CDC40: variants seen among roughly 807,000 people sequenced by gnomAD.
The protein encoded by CDC40 is pre-mRNA-processing factor 17.
CDC40 carries 27 observed loss-of-function variants against 80.6 expected under a neutral mutation model. The ratio of observed to expected loss-of-function variants is 0.33; its 90% confidence interval spans 0.25 to 0.46. CDC40 has a LOEUF of 0.46. Among genes scored for constraint, CDC40 ranks in the 20% least tolerant of loss-of-function variants. The pLI, the probability that CDC40 is intolerant of heterozygous loss-of-function variation, is 1.00. For missense variants in CDC40, 486 were observed against 694.1 expected (o/e 0.70, Z 3.37); for synonymous variants, 221 against 232.6 (o/e 0.95, Z 0.45).
intron 12 of CDC40, among the ~76,000 whole-genome samples, chr6:110,224,005 G>T (rs547364917): frequency 2.0e-5 from 3 of 151,904 alleles, no homozygotes; most frequent in Non-Finnish European, 4.4e-5. Context: ...GCTAATTTTT[G>T]TATTTTTAGT....
rs1777171823 is a variant in CDC40 at position 110,180,711 on chromosome 6, G to A, written c.189+78G>A. On this transcript the variant is annotated intron_variant, in intron 1 of 14. Transcript: ENST00000307731. Reference sequence around the variant, plus strand: ...AACTGCCAGCCGCTTGTTAGGTACCGGGTTACCTCTTTCTCAGTGCTCAGA... The same window carrying A: ...AACTGCCAGCCGCTTGTTAGGTACCAGGTTACCTCTTTCTCAGTGCTCAGA... 8.9e-6 allele frequency: 9 copies of A among 1,014,432 alleles called. No individual in the cohort carries two copies. In the Admixed American group the frequency reaches 1.4e-4, roughly 16 times the overall value. 62.8% of individuals were successfully genotyped at this position (1,014,432 alleles called of 1,614,324 possible). A position where few individuals can be genotyped will look rare whatever the true frequency, so the allele number is the denominator to read the frequency against.
chr6:110,211,161 GA>G (rs1388333607), intron 6 of CDC40: 1 of 152,818 alleles, frequency 6.5e-6, no homozygotes. Flanking sequence ...TGTTTTTAAT[GA>G]AGCCAAATAC....
chr6:110,209,102 C>G lies in CDC40; in HGVS notation c.509C>G (p.Thr170Ser). ...AACGTAGGTTTAACTGTATTTGAAA[C>G]TGGTCAGAAGAAAACAGAAAAGAGG... ...EKNQGLTVFE[T>S]GQKKTEKRKK... Residue 170 changes from threonine (T) to serine (S), a missense_variant, in exon 5 of 15, where the codon ACT becomes AGT. By Grantham distance (58) the Thr-to-Ser change is moderately conservative. Transcript: ENST00000307731. The G allele has an allele frequency of 6.4e-7, 1 of 1,569,026 alleles. No individual in the cohort carries two copies. The highest frequency in any genetic ancestry group is 1.7e-5 in the Admixed American group (1 of 59,312).
At chr6:110,205,066 A>G (rs954231346) in intron 3 of CDC40, among the ~76,000 whole-genome samples, 5 of 152,056 alleles carry the variant, frequency 3.3e-5, no homozygotes, top group African/African-American at 7.2e-5. Flanking sequence ...TTTCCGGACT[A>G]CTAGTGAGGT....
chr6:110,190,066 C>T (rs190656372), intron 1 of CDC40, among the ~76,000 whole-genome samples: 51 of 152,272 alleles, frequency 3.3e-4, no homozygotes, highest in East Asian at 2.3e-3. Context: ...GAATGCCCTG[C>T]GTTCTACTGG....
intron 1 of CDC40, among the ~76,000 whole-genome samples, chr6:110,192,240 C>T (rs1777361790): frequency 6.6e-6 from 1 of 152,138 alleles, no homozygotes. Flanking sequence ...TCCAAAAACC[C>T]AGATACAAGA....
intron 3 of CDC40, among the ~76,000 whole-genome samples, chr6:110,202,211 C>G (rs1037219329): frequency 1.3e-5 from 2 of 152,094 alleles, no homozygotes; most frequent in African/African-American, 4.8e-5. Flanking sequence ...TGCGTGGAAA[C>G]TGCTTGTATA....
chr6:110,219,974 GC>G (rs2114669640), intron 12 of CDC40, 105 bp downstream of exon 12: 1 of 1,219,856 alleles, frequency 8.2e-7, no homozygotes, highest in African/African-American at 1.5e-5. Flanking sequence ...AATATTTTTT[GC>G]AACTGTGATC....
At chr6:110,199,390 C>G (rs1283702870) in intron 2 of CDC40, among the ~76,000 whole-genome samples, 2 of 151,464 alleles carry the variant, frequency 1.3e-5, no homozygotes, top group African/African-American at 4.9e-5. Flanking sequence ...GTCAGGAGAT[C>G]GAGACCATCC....
intron 6 of CDC40, chr6:110,211,114 T>C (rs1214811972): frequency 6.4e-6 from 1 of 157,126 alleles, no homozygotes; most frequent in Non-Finnish European, 1.4e-5. Flanking sequence ...TAAAGTTGAC[T>C]CTTTTGGTGT....
intron 1 of CDC40, among the ~76,000 whole-genome samples, chr6:110,186,896 T>C (rs1443749638): frequency 1.3e-5 from 2 of 152,240 alleles, no homozygotes; most frequent in African/African-American, 4.8e-5. Flanking sequence ...ACATATTATT[T>C]TAGTCCCATT....
intron 9 of CDC40, among the ~76,000 whole-genome samples, 200 bp from the exon 10 acceptor site, chr6:110,217,502 A>AG (rs1264786068): frequency 6.6e-6 from 1 of 152,054 alleles, no homozygotes. Flanking sequence ...AGCTTCTTCA[A>AG]GGGGAAAAAA....
rs1273689245 is a variant in CDC40 at position 110,231,590 on chromosome 6, A to G, written c.*1459A>G. ...TTTTCCTGTTTTATTATAAATCTATATTAGATGTTTGAATATGGTTTGAAA... is the reference window on the plus strand; with the variant it reads ...TTTTCCTGTTTTATTATAAATCTATGTTAGATGTTTGAATATGGTTTGAAA... On this transcript the variant is annotated 3_prime_UTR_variant, in exon 15 of 15. Transcript: ENST00000307731. 8.5e-5 allele frequency: 13 copies of G among 152,236 alleles called. No homozygotes were observed. Among genetic ancestry groups the G allele is most frequent in the African/African-American group, 2.4e-5 (1 of 41,468 alleles). The allele number at this position is 152,236 out of a possible 1,614,324, so 9.4% of individuals were successfully genotyped here. A position where few individuals can be genotyped will look rare whatever the true frequency, so the allele number is the denominator to read the frequency against.
intron 3 of CDC40, among the ~76,000 whole-genome samples, chr6:110,202,484 C>G (rs570300591): frequency 6.6e-6 from 1 of 152,226 alleles, no homozygotes; most frequent in African/African-American, 2.4e-5. Context: ...TAATAAGAGA[C>G]TTTTAAAGAC....
At chr6:110,182,414 C>T (rs989318475) in intron 1 of CDC40, among the ~76,000 whole-genome samples, 1 of 152,148 alleles carries the variant, frequency 6.6e-6, no homozygotes, top group Non-Finnish European at 1.5e-5. Flanking sequence ...TTCAGTGTGT[C>T]GAAAAATTAT....
chr6:110,210,891 T>C, intron 6 of CDC40, 88 bp downstream of exon 6: 1 of 505,754 alleles, frequency 2.0e-6, no homozygotes, highest in East Asian at 3.7e-5. Flanking sequence ...TTACCCTTAC[T>C]ATCAGCTGTA....
chr6:110,185,241 C>CTTT (rs1227694611), intron 1 of CDC40, among the ~76,000 whole-genome samples: 2,534 of 123,976 alleles, frequency 0.02, 84 homozygotes, highest in African/African-American at 0.055. Context: ...ATCTTTTTTT[C>CTTT]TTTTTTTTTT....
At position 110,231,552 on chromosome 6, in the gene CDC40, T is replaced by C. The variant is rs1434576045; in HGVS notation, c.*1421T>C. On this transcript the variant is annotated 3_prime_UTR_variant, in exon 15 of 15. Coordinates refer to ENST00000307731, the MANE Select transcript of CDC40 (RefSeq NM_015891.3). The stretch of plus-strand genomic sequence containing the variant: ...AATGTAATAGCTCATAGCACTTTAA[T>C]TTGGCAAGCCATTTTTCCTGTTTTA... The C allele has an allele frequency of 6.6e-6, 1 of 152,242 alleles. No individual in the cohort carries two copies. Among genetic ancestry groups the C allele is most frequent in the Admixed American group, 6.5e-5 (1 of 15,286 alleles). The allele number at this position is 152,242 out of a possible 1,614,324, so 9.4% of individuals were successfully genotyped here.
intron 2 of CDC40, among the ~76,000 whole-genome samples, chr6:110,195,553 T>C (rs2114653147): frequency 6.6e-6 from 1 of 152,320 alleles, no homozygotes; most frequent in Non-Finnish European, 1.5e-5. Context: ...GTAGGTAAAA[T>C]GAAGATAATT....
Sources: allele counts gnomAD v4.1 joint callset (sites outside exome capture counted in the v4.1 genomes callset), GRCh38; gene constraint gnomAD v4.1.1; transcripts MANE v1.5; gene names NCBI Gene and HGNC (gene_info 2026-07-23, HGNC 2026-07-21).